DNM3: variants seen among roughly 807,000 people sequenced by gnomAD.
The protein encoded by DNM3 is dynamin-3.
A neutral mutation model predicts 101.6 loss-of-function variants in DNM3; 47 were observed. The ratio of observed to expected loss-of-function variants is 0.46; its 90% CI spans 0.37 to 0.59. The LOEUF (loss-of-function observed/expected upper bound fraction) is 0.59. Ranked by LOEUF, DNM3 falls within the 20% of genes least tolerant of loss-of-function variation. The pLI is 0.00. For synonymous variants in DNM3, 385 were observed against 387.9 expected (o/e 0.99, Z 0.09); for missense variants, 849 against 1,085.7 (o/e 0.78, Z 3.06).
intron 18 of DNM3, 114 bp downstream of exon 18, chr1:172,379,296 C>A: frequency 1.1e-6 from 1 of 942,116 alleles, no homozygotes. Flanking sequence ...TAATATTACC[C>A]AGGTTCATCA....
At chr1:171,991,114 T>C (rs1390894172) in intron 4 of DNM3, among the ~76,000 whole-genome samples, 1 of 152,152 alleles carries the variant, frequency 6.6e-6, no homozygotes. Flanking sequence ...ACTCAGCTTC[T>C]CCTACTATAT....
At chr1:172,057,276 T>C (rs1296308448) in intron 10 of DNM3, among the ~76,000 whole-genome samples, 2 of 152,278 alleles carry the variant, frequency 1.3e-5, no homozygotes, top group East Asian at 1.9e-4. Flanking sequence ...CTCTGCAAGA[T>C]ATTATCCAGG....
At chr1:172,079,252 C>T (rs902258095) in intron 11 of DNM3, among the ~76,000 whole-genome samples, 1 of 152,190 alleles carries the variant, frequency 6.6e-6, no homozygotes, top group Non-Finnish European at 1.5e-5. Flanking sequence ...CTTTCAGGTA[C>T]ACCAATCAAA....
chr1:172,274,695 A>G (rs925430906), intron 15 of DNM3, among the ~76,000 whole-genome samples: 6 of 149,266 alleles, frequency 4.0e-5, no homozygotes, highest in African/African-American at 1.5e-4. Flanking sequence ...TCCCTGAAAC[A>G]CTGGTTTTTA....
chr1:172,163,428 C>T (rs184090538), intron 14 of DNM3, among the ~76,000 whole-genome samples: 1 of 151,540 alleles, frequency 6.6e-6, no homozygotes, highest in Admixed American at 6.6e-5. Context: ...TTGGTAGATA[C>T]GAGGTTTCGC....
intron 14 of DNM3, among the ~76,000 whole-genome samples, chr1:172,205,367 T>C (rs937161676): frequency 3.3e-5 from 5 of 152,144 alleles, no homozygotes; most frequent in Admixed American, 2.6e-4. Context: ...TTACACTTTT[T>C]AGTCTCAGGA....
intron 14 of DNM3, among the ~76,000 whole-genome samples, chr1:172,215,115 G>C (rs1175478529): frequency 6.6e-6 from 1 of 152,022 alleles, no homozygotes; most frequent in African/African-American, 2.4e-5. Flanking sequence ...TATTTCAGTG[G>C]AACATTTTAG....
chr1:171,975,759 G>T (rs1335314452), intron 2 of DNM3, among the ~76,000 whole-genome samples: 2 of 152,142 alleles, frequency 1.3e-5, no homozygotes, highest in African/African-American at 4.8e-5. Context: ...AAAGAACCCA[G>T]AATAGCCAAA....
intron 4 of DNM3, among the ~76,000 whole-genome samples, chr1:172,031,267 T>C (rs981949786): frequency 6.6e-6 from 1 of 152,142 alleles, no homozygotes; most frequent in Non-Finnish European, 1.5e-5. Context: ...TGAATGAAGC[T>C]GGAAGCCATT....
chr1:171,938,263 G>GT (rs371444399), intron 2 of DNM3, among the ~76,000 whole-genome samples: 1,586 of 148,278 alleles, frequency 0.011, 18 homozygotes, highest in African/African-American at 0.029. Context: ...TAGCATCAAG[G>GT]TTTTTTTTTT....
At chr1:172,378,493 C>T (rs1477760036) in intron 17 of DNM3, among the ~76,000 whole-genome samples, 1 of 138,732 alleles carries the variant, frequency 7.2e-6, no homozygotes, top group African/African-American at 2.7e-5. Flanking sequence ...AATAAATTAT[C>T]TTCTATATCT....
intron 13 of DNM3, among the ~76,000 whole-genome samples, chr1:172,106,268 A>G (rs547678031): frequency 7.0e-4 from 107 of 152,310 alleles, no homozygotes; most frequent in Non-Finnish European, 3.4e-4. Flanking sequence ...TAAAAATACA[A>G]AAATTGGCCA....
intron 14 of DNM3, among the ~76,000 whole-genome samples, chr1:172,134,207 G>C (rs145457500): frequency 1.3e-5 from 2 of 152,276 alleles, no homozygotes; most frequent in African/African-American, 4.8e-5. Context: ...GCTACACACA[G>C]CTATGATTGA....
chr1:172,060,522 G>C (rs2051089331), intron 10 of DNM3, among the ~76,000 whole-genome samples: 8 of 56,682 alleles, frequency 1.4e-4, no homozygotes, highest in Non-Finnish European at 2.5e-4. Flanking sequence ...GAACAGAACA[G>C]AGCCCTCAGA....
At chr1:172,326,910 A>T (rs2065959825) in intron 17 of DNM3, among the ~76,000 whole-genome samples, 1 of 152,130 alleles carries the variant, frequency 6.6e-6, no homozygotes, top group African/African-American at 2.4e-5. Flanking sequence ...TTGCTTTTAA[A>T]AAAGAAATTT....
chr1:171,996,954 C>T (rs2046037825), intron 4 of DNM3, among the ~76,000 whole-genome samples: 1 of 151,938 alleles, frequency 6.6e-6, no homozygotes, highest in African/African-American at 2.4e-5. Context: ...ATTACCTGAG[C>T]CCAGGAGGTT....
chr1:171,919,950 A>T (rs898256241), intron 1 of DNM3, among the ~76,000 whole-genome samples: 1 of 152,012 alleles, frequency 6.6e-6, no homozygotes, highest in Non-Finnish European at 1.5e-5. Context: ...ATTTTTTTTG[A>T]TGAATAAATA....
intron 17 of DNM3, among the ~76,000 whole-genome samples, chr1:172,332,127 A>G (rs2066214769): frequency 6.6e-6 from 1 of 152,220 alleles, no homozygotes; most frequent in Non-Finnish European, 1.5e-5. Context: ...TGGAACATTT[A>G]GTTTTAACCA....
chr1:172,084,238 T>C (rs549571581), intron 12 of DNM3, among the ~76,000 whole-genome samples: 2 of 152,270 alleles, frequency 1.3e-5, no homozygotes, highest in Non-Finnish European at 2.9e-5. Context: ...TCAAGTTATG[T>C]GGAAATCCTT....
Sources: allele counts gnomAD v4.1 joint callset (sites outside exome capture counted in the v4.1 genomes callset), GRCh38; gene constraint gnomAD v4.1.1; transcripts MANE v1.5; gene names NCBI Gene and HGNC (gene_info 2026-07-23, HGNC 2026-07-21).